APBA1: variants seen among roughly 807,000 people sequenced by gnomAD.
APBA1 encodes the protein amyloid-beta A4 precursor protein-binding family A member 1.
In APBA1, 55 loss-of-function variants were observed where a neutral mutation model predicts 86.6. That is an observed-to-expected ratio of 0.64 (90% CI 0.51 to 0.80). The LOEUF (loss-of-function observed/expected upper bound fraction) is 0.80. Ranked by LOEUF, APBA1 falls within the 30% of genes least tolerant of loss-of-function variation. The pLI, the probability that APBA1 is intolerant of heterozygous loss-of-function variation, is 0.00. For missense variants in APBA1, 1,090 were observed against 1,183.0 expected (o/e 0.92, Z 1.15); for synonymous variants, 511 against 493.9 (o/e 1.03, Z -0.46).
At chr9:69,503,854 A>G (rs1006763856) in intron 2 of APBA1, among the ~76,000 whole-genome samples, 1 of 151,928 alleles carries the variant, frequency 6.6e-6, no homozygotes, top group Non-Finnish European at 1.5e-5. Flanking sequence ...CTTTCCTGTC[A>G]CCTGGAGATT....
chr9:69,667,804 G>T (rs1332797796), intron 1 of APBA1, among the ~76,000 whole-genome samples: 1 of 151,612 alleles, frequency 6.6e-6, no homozygotes, highest in East Asian at 1.9e-4. Flanking sequence ...TGTTTTCACT[G>T]CTTTCCATTT....
chr9:69,483,842 C>T, intron 2 of APBA1, among the ~76,000 whole-genome samples: 1 of 151,996 alleles, frequency 6.6e-6, no homozygotes. Flanking sequence ...CAGCCCCTGG[C>T]TGCAATAAAG....
rs549607097 is a variant in APBA1 at position 69,648,629 on chromosome 9, C to T, written c.-70+23524G>A. 1.1e-3 allele frequency among the ~76,000 whole-genome samples: 161 copies of T among 152,246 alleles called. 2 individuals are homozygous for T. Among genetic ancestry groups the T allele is most frequent in the African/African-American group, 3.8e-3 (156 of 41,536 alleles). On this transcript the variant is annotated intron_variant, in intron 1 of 12. Transcript: ENST00000265381. The stretch of plus-strand genomic sequence containing the variant: ...TTATAGAGCTCTATAGTTTAGCCCT[C>T]GAAGGTGAGTCCCAGATGCAGTTCA...
chr9:69,487,893 T>A (rs1835637434), intron 2 of APBA1, among the ~76,000 whole-genome samples: 1 of 152,134 alleles, frequency 6.6e-6, no homozygotes, highest in Non-Finnish European at 1.5e-5. Flanking sequence ...CACATCTTTG[T>A]CAACTGGTCT....
chr9:69,498,901 A>T (rs1374417544), intron 2 of APBA1, among the ~76,000 whole-genome samples: 1 of 152,126 alleles, frequency 6.6e-6, no homozygotes, highest in African/African-American at 2.4e-5. Flanking sequence ...ATCACTTTGC[A>T]TGGCAGACGG....
At chr9:69,488,447 A>G (rs904417639) in intron 2 of APBA1, among the ~76,000 whole-genome samples, 2 of 152,120 alleles carry the variant, frequency 1.3e-5, no homozygotes, top group Non-Finnish European at 2.9e-5. Flanking sequence ...AGAGTAAACT[A>G]AGGTTATATT....
chr9:69,554,445 A>G (rs564543613), intron 1 of APBA1, among the ~76,000 whole-genome samples: 1 of 152,352 alleles, frequency 6.6e-6, no homozygotes, highest in South Asian at 2.1e-4. Context: ...TCTATACTTG[A>G]AGAAGTTAGA....
intron 11 of APBA1, among the ~76,000 whole-genome samples, chr9:69,434,210 G>C (rs1275932581): frequency 1.3e-5 from 2 of 152,188 alleles, no homozygotes; most frequent in African/African-American, 4.8e-5. Flanking sequence ...AGCCAGGGTG[G>C]ACAGTCCAGA....
At chr9:69,465,388 T>C (rs1307629161) in intron 5 of APBA1, 3 of 152,238 alleles carry the variant, frequency 2.0e-5, no homozygotes, top group Non-Finnish European at 4.4e-5. Flanking sequence ...GTCAGAACTA[T>C]GTCTCTATGT....
At chr9:69,595,976 G>GT (rs1214267344) in intron 1 of APBA1, among the ~76,000 whole-genome samples, 1 of 152,006 alleles carries the variant, frequency 6.6e-6, no homozygotes, top group East Asian at 1.9e-4. Context: ...TGATTGTTTT[G>GT]TTTTTTTGCA....
rs377162175 is a variant in APBA1 at position 69,516,596 on chromosome 9, G to A, written c.615C>T (p.Pro205=). 9 of 1,603,910 alleles carry A rather than the reference G, an allele frequency of 5.6e-6. No homozygotes were observed. In the Admixed American group the frequency reaches 1.5e-4, roughly 27 times the overall value. ...EHVYEEIGDA[P]ELDARDGLRL... ...GCAGGCCGTCGCGTGCGTCCAGCTCGGGCGCGTCCCCTATCTCCTCGTACA... is the reference window on the plus strand; with the variant it reads ...GCAGGCCGTCGCGTGCGTCCAGCTCAGGCGCGTCCCCTATCTCCTCGTACA... The change falls in exon 2 of 13, where the codon CCC becomes CCT. Residue 205 remains proline, a synonymous_variant. Transcript: ENST00000265381. The surrounding 1 kb of genome is among the most constrained non-coding windows in gnomAD (Gnocchi z 7.3).
chr9:69,663,412 G>A (rs549226367), intron 1 of APBA1, among the ~76,000 whole-genome samples: 57 of 152,290 alleles, frequency 3.7e-4, no homozygotes, highest in African/African-American at 1.3e-3. Context: ...CAAATTCACT[G>A]AATAGCCAAT....
chr9:69,547,172 A>G (rs1239503972), intron 1 of APBA1, among the ~76,000 whole-genome samples: 7 of 152,200 alleles, frequency 4.6e-5, no homozygotes, highest in Admixed American at 4.6e-4. Context: ...CGCCCTCAAT[A>G]TTGTTCTCTC....
chr9:69,669,462 C>CA (rs1305253709), intron 1 of APBA1, among the ~76,000 whole-genome samples: 1 of 152,226 alleles, frequency 6.6e-6, no homozygotes, highest in Admixed American at 6.5e-5. Flanking sequence ...CATCCATGCA[C>CA]AAAAAATGGC....
intron 1 of APBA1, among the ~76,000 whole-genome samples, chr9:69,568,423 A>G (rs1588369016): frequency 6.6e-6 from 1 of 152,358 alleles, no homozygotes; most frequent in South Asian, 2.1e-4. Flanking sequence ...GAAGAGAACT[A>G]ATTACATCTT....
At chr9:69,503,201 G>A (rs2133874058) in intron 2 of APBA1, among the ~76,000 whole-genome samples, 1 of 152,248 alleles carries the variant, frequency 6.6e-6, no homozygotes, top group Non-Finnish European at 1.5e-5. Flanking sequence ...CCTTTGGTCA[G>A]TGAGTCATCT....
intron 1 of APBA1, among the ~76,000 whole-genome samples, chr9:69,557,971 C>A (rs973010158): frequency 1.3e-5 from 2 of 152,146 alleles, no homozygotes; most frequent in African/African-American, 4.8e-5. Context: ...AAATCTTCCA[C>A]AACTTTGATC....
At chr9:69,493,141 C>CT (rs905192710) in intron 2 of APBA1, among the ~76,000 whole-genome samples, 1 of 152,076 alleles carries the variant, frequency 6.6e-6, no homozygotes, top group African/African-American at 2.4e-5. Flanking sequence ...GCAGGTTTAA[C>CT]AAGCCCCGAA....
intron 1 of APBA1, among the ~76,000 whole-genome samples, chr9:69,655,266 G>T (rs1442510637): frequency 6.6e-6 from 1 of 151,998 alleles, no homozygotes; most frequent in Non-Finnish European, 1.5e-5. Context: ...AAGTCATATT[G>T]CCCCTACTGG....
Sources: allele counts gnomAD v4.1 joint callset (sites outside exome capture counted in the v4.1 genomes callset), GRCh38; gene constraint gnomAD v4.1.1; non-coding constraint Gnocchi (gnomAD v3.1); transcripts MANE v1.5; gene names NCBI Gene and HGNC (gene_info 2026-07-23, HGNC 2026-07-21).